The following MAP7 variants were observed in gnomAD, a reference collection of about 807,000 sequenced individuals.
MAP7 encodes microtubule associated protein 7.
A neutral mutation model predicts 94.8 loss-of-function variants in MAP7; 52 were observed. That is an observed-to-expected ratio of 0.55 (90% CI 0.44 to 0.69). The LOEUF is 0.69. MAP7 is among the 30% of genes least tolerant of loss of function. MAP7 has a pLI of 0.00. For synonymous variants in MAP7, 350 were observed against 357.0 expected (o/e 0.98, Z 0.22); for missense variants, 940 against 964.6 (o/e 0.97, Z 0.34).
At chr6:136,535,369 G>A (rs1027215082) in intron 1 of MAP7, among the ~76,000 whole-genome samples, 1 of 152,112 alleles carries the variant, frequency 6.6e-6, no homozygotes, top group Non-Finnish European at 1.5e-5. Flanking sequence ...TGTACAGCCT[G>A]CAGATCCCTG....
At chr6:136,356,635 G>C in intron 16 of MAP7, 57 bp downstream of exon 16, 5 of 1,348,618 alleles carry the variant, frequency 3.7e-6, no homozygotes, top group Non-Finnish European at 5.3e-6. Flanking sequence ...AATTCTGGTG[G>C]AGCTGGTGGG....
chr6:136,486,525 C>A (rs1172453737), intron 1 of MAP7, among the ~76,000 whole-genome samples: 2 of 152,188 alleles, frequency 1.3e-5, no homozygotes, highest in African/African-American at 4.8e-5. Flanking sequence ...TTCCTCAATT[C>A]TAATTTTCAT....
chr6:136,420,033 A>C (rs2128766059), intron 2 of MAP7: 1 of 841,224 alleles, frequency 1.2e-6, no homozygotes, highest in Non-Finnish European at 2.1e-6. Context: ...CTTGATGCTG[A>C]TAAACTTCCA....
intron 1 of MAP7, among the ~76,000 whole-genome samples, chr6:136,454,635 T>G (rs1802284723): frequency 6.6e-6 from 1 of 151,092 alleles, no homozygotes; most frequent in African/African-American, 2.4e-5. Flanking sequence ...CCAGGTGCAG[T>G]GGCTCACGCC....
chr6:136,536,604 C>A (rs1290948290), intron 1 of MAP7, among the ~76,000 whole-genome samples: 1 of 152,168 alleles, frequency 6.6e-6, no homozygotes, highest in Non-Finnish European at 1.5e-5. Flanking sequence ...TCTTAAATTT[C>A]TTGCTGGAAA....
chr6:136,379,467 G>A (rs889008789), intron 6 of MAP7, among the ~76,000 whole-genome samples: 2 of 152,128 alleles, frequency 1.3e-5, no homozygotes, highest in African/African-American at 4.8e-5. Flanking sequence ...AAAGCACCAC[G>A]GGCTAAGTAC....
chr6:136,510,514 G>A (rs1198760095), intron 1 of MAP7, among the ~76,000 whole-genome samples: 5 of 152,094 alleles, frequency 3.3e-5, no homozygotes, highest in Non-Finnish European at 7.4e-5. Flanking sequence ...AGAAGCCTGG[G>A]GGTGGTGGAG....
At chr6:136,514,601 A>G (rs1275867607) in intron 1 of MAP7, among the ~76,000 whole-genome samples, 2 of 151,224 alleles carry the variant, frequency 1.3e-5, no homozygotes, top group African/African-American at 2.4e-5. Flanking sequence ...AAAAAAAAAA[A>G]AAAAAAGAAA....
At position 136,547,720 on chromosome 6, in the gene MAP7, G is replaced by A. The variant is rs368616583; in HGVS notation, c.67+2622C>T. 2.0e-5 allele frequency among the ~76,000 whole-genome samples: 3 copies of A among 151,808 alleles called. No individual in the cohort carries two copies. The East Asian group carries it at 5.8e-4, about 29-fold the overall frequency. On this transcript the variant is annotated intron_variant, in intron 1 of 17. Transcript: ENST00000354570. The stretch of plus-strand genomic sequence containing the variant: ...TGAGAATATATACCCACAGAAATAG[G>A]GTTTTTAAATGTTGGGTTTATATAA...
intron 1 of MAP7, among the ~76,000 whole-genome samples, chr6:136,490,548 A>G (rs958802772): frequency 1.1e-4 from 17 of 152,188 alleles, no homozygotes; most frequent in Admixed American, 3.9e-4. Flanking sequence ...GTTGACTACA[A>G]TTCAATATTA....
intron 1 of MAP7, among the ~76,000 whole-genome samples, chr6:136,466,430 T>C (rs1490705213): frequency 6.6e-6 from 1 of 152,090 alleles, no homozygotes; most frequent in Non-Finnish European, 1.5e-5. Context: ...TCTCACTTTG[T>C]TTTTGTCAAA....
At chr6:136,545,758 A>ATTTTT (rs67108177) in intron 1 of MAP7, among the ~76,000 whole-genome samples, 1 of 151,656 alleles carries the variant, frequency 6.6e-6, no homozygotes, top group African/African-American at 2.4e-5. Context: ...ATTAAAACAA[A>ATTTTT]TTTAATTTTT....
At chr6:136,485,805 G>A (rs1428214272) in intron 1 of MAP7, among the ~76,000 whole-genome samples, 1 of 151,632 alleles carries the variant, frequency 6.6e-6, no homozygotes, top group Non-Finnish European at 1.5e-5. Flanking sequence ...CTCGTGATCC[G>A]CCCGCCTCGG....
At chr6:136,482,614 AC>A (rs1249205408) in intron 1 of MAP7, among the ~76,000 whole-genome samples, 2 of 150,084 alleles carry the variant, frequency 1.3e-5, no homozygotes, top group South Asian at 2.1e-4. Flanking sequence ...AAAAAAAAAA[AC>A]AGACGCATGC....
At chr6:136,362,334 G>T in intron 11 of MAP7, 116 bp downstream of exon 11, 1 of 1,344,706 alleles carries the variant, frequency 7.4e-7, no homozygotes. Context: ...GAGTAATCCT[G>T]AAAGAACTAA....
intron 1 of MAP7, among the ~76,000 whole-genome samples, chr6:136,488,963 T>G (rs563228803): frequency 1.4e-4 from 21 of 152,276 alleles, no homozygotes; most frequent in African/African-American, 4.3e-4. Context: ...GACAGTGGTT[T>G]TACTATGTTG....
At chr6:136,440,165 G>A (rs1005866724) in intron 1 of MAP7, among the ~76,000 whole-genome samples, 3 of 152,122 alleles carry the variant, frequency 2.0e-5, no homozygotes, top group African/African-American at 7.2e-5. Context: ...GGTGTGAGCC[G>A]GGTGACTATG....
intron 1 of MAP7, among the ~76,000 whole-genome samples, chr6:136,471,998 C>T (rs1012920053): frequency 1.3e-5 from 2 of 152,078 alleles, no homozygotes; most frequent in African/African-American, 4.8e-5. Context: ...AATCAGGTTG[C>T]CCAGTCTAGA....
At chr6:136,379,251 A>T (rs939414905) in intron 6 of MAP7, among the ~76,000 whole-genome samples, 2 of 152,232 alleles carry the variant, frequency 1.3e-5, no homozygotes, top group African/African-American at 4.8e-5. Context: ...ATTTGGAATG[A>T]AGTATCAATT....
Sources: allele counts gnomAD v4.1 joint callset (sites outside exome capture counted in the v4.1 genomes callset), GRCh38; gene constraint gnomAD v4.1.1; transcripts MANE v1.5; gene names NCBI Gene and HGNC (gene_info 2026-07-23, HGNC 2026-07-21).